The following EIF2AK4 variants were observed in gnomAD, a reference collection of about 807,000 sequenced individuals.
EIF2AK4 encodes eIF-2-alpha kinase GCN2.
EIF2AK4 carries 139 observed loss-of-function variants against 211.1 expected under a neutral mutation model. The observed-to-expected ratio is 0.66, with a 90% CI of 0.57 to 0.76. The LOEUF (loss-of-function observed/expected upper bound fraction) is 0.76, where lower values mean the gene tolerates loss of function less well. Ranked by LOEUF, EIF2AK4 falls within the 30% of genes least tolerant of loss-of-function variation. The probability of loss-of-function intolerance (pLI) is 0.00; values close to 1 mark genes in which losing one functional copy is unlikely to be tolerated. For missense variants in EIF2AK4, 1,664 were observed against 2,043.8 expected, an observed-to-expected ratio of 0.81 and a Z score of 3.58; for synonymous variants, 710 against 751.3, an observed-to-expected ratio of 0.94 and a Z score of 0.90.
intron 12 of EIF2AK4, 119 bp from the exon 13 acceptor site, chr15:39,977,959 C>G (rs2034724388): frequency 1.6e-6 from 1 of 608,304 alleles, no homozygotes; most frequent in Non-Finnish European, 2.9e-6. Flanking sequence ...ACATTGATGC[C>G]TGTGGGCTCA....
At chr15:40,032,590 T>C (rs1267341006) in intron 36 of EIF2AK4, among the ~76,000 whole-genome samples, 167 bp from the exon 37 acceptor site, 2 of 152,220 alleles carry the variant, frequency 1.3e-5, no homozygotes, top group Non-Finnish European at 2.9e-5. Flanking sequence ...TTATTAATTC[T>C]CCAGGGCTAA....
chr15:39,968,555 G>A (rs1334831101), intron 9 of EIF2AK4, among the ~76,000 whole-genome samples: 1 of 152,148 alleles, frequency 6.6e-6, no homozygotes, highest in African/African-American at 2.4e-5. Context: ...CTGTTAAATG[G>A]GAGATAAGAT....
chr15:40,022,533 AC>A lies in EIF2AK4; in HGVS notation c.4318del (p.Gln1440LysfsTer51). 1.9e-6 allele frequency: 3 copies of A among 1,614,092 alleles called. No homozygotes were observed. The highest frequency in any genetic ancestry group is 2.5e-6 in the Non-Finnish European group (3 of 1,179,960). ...YDWSQSQEEL[Q>X]EYCRHHEITY... ...GTTTGTTTCAGTCCCAAGAGGAATTACAAGAGTACTGCAGACATCATGAAAT... is the reference window on the plus strand; with the variant it reads ...GTTTGTTTCAGTCCCAAGAGGAATTAAAGAGTACTGCAGACATCATGAAAT... On this transcript the variant is annotated frameshift_variant, in exon 32 of 39. Coordinates refer to ENST00000263791, the MANE Select transcript of EIF2AK4 (RefSeq NM_001013703.4). LOFTEE classifies it high-confidence loss of function.
Position 40,009,675 on chromosome 15 carries a change from G to C in EIF2AK4, c.3638G>C (p.Cys1213Ser). ...TMLLKAILLHCGIPEDKLSQV... is the reference protein window; with the variant it reads ...TMLLKAILLHSGIPEDKLSQV... ...TTATTGAAAGCAATACTCTTACACT[G>C]TGGGATCCCAGAAGATAAACTCAGT... The change falls in exon 26 of 39, where the codon TGT becomes TCT. Residue 1213 changes from cysteine (C) to serine (S), a missense_variant. By Grantham distance (112) the Cys-to-Ser change is moderately radical. Transcript: ENST00000263791. 6.2e-7 allele frequency: 1 copy of C among 1,610,478 alleles called. No homozygotes were observed. Among genetic ancestry groups the C allele is most frequent in the Non-Finnish European group, 8.5e-7 (1 of 1,178,504 alleles).
At chr15:39,997,705 A>G (rs574483315) in intron 19 of EIF2AK4, among the ~76,000 whole-genome samples, 74 of 152,296 alleles carry the variant, frequency 4.9e-4, no homozygotes, top group Middle Eastern at 3.4e-3. Context: ...GTTTTTCCCA[A>G]TGAAATTTCC....
At chr15:39,990,098 A>G (rs965931945) in intron 15 of EIF2AK4, among the ~76,000 whole-genome samples, 175 bp from the exon 16 acceptor site, 4 of 152,334 alleles carry the variant, frequency 2.6e-5, no homozygotes, top group Admixed American at 2.6e-4. Flanking sequence ...GGAAACAGTA[A>G]AGAGGTCATA....
rs146399698 is a variant in EIF2AK4, at chr15:39,969,227, A to G, written c.1553+1348A>G. 2.4e-3 allele frequency among the ~76,000 whole-genome samples: 362 copies of G among 152,264 alleles called. 4 individuals carry two copies. The highest frequency in any genetic ancestry group is 0.018 in the East Asian group (92 of 5,190). On this transcript the variant is annotated intron_variant, in intron 9 of 38. Transcript: ENST00000263791. ...AAAAACAGTACTGGGAGGTTTAAGT[A>G]GAAGTACCTTTCCTTTCCCGTTTAG...
chr15:39,993,503 T>C (rs951494040), intron 18 of EIF2AK4, among the ~76,000 whole-genome samples: 1 of 151,916 alleles, frequency 6.6e-6, no homozygotes, highest in South Asian at 2.1e-4. Context: ...CCACACAGAT[T>C]TGGGGGCTGA....
chr15:40,002,947 G>A (rs1168953494), intron 22 of EIF2AK4, among the ~76,000 whole-genome samples, 159 bp downstream of exon 22: 1 of 152,142 alleles, frequency 6.6e-6, no homozygotes, highest in Non-Finnish European at 1.5e-5. Flanking sequence ...AAACTGATTT[G>A]AATATTACAG....
chr15:40,017,531 ATATATATATAT>A (rs2035323317), intron 29 of EIF2AK4, among the ~76,000 whole-genome samples: 1 of 39,238 alleles, frequency 2.5e-5, no homozygotes, highest in Non-Finnish European at 5.5e-5. Context: ...ATATATATAT[ATATATATATAT>A]ATATATATAT....
At chr15:39,992,392 A>G in intron 17 of EIF2AK4, 163 bp downstream of exon 17, 1 of 565,072 alleles carries the variant, frequency 1.8e-6, no homozygotes, top group Non-Finnish European at 3.0e-6. Flanking sequence ...TTTCCTTTTC[A>G]ATTTATGAAT....
At chr15:39,956,707 A>G (rs184337971) in intron 6 of EIF2AK4, among the ~76,000 whole-genome samples, 4 of 152,348 alleles carry the variant, frequency 2.6e-5, no homozygotes, top group Non-Finnish European at 5.9e-5. Flanking sequence ...TGAAGAAACC[A>G]TTTATGAGTG....
At chr15:39,948,026 AACCTGCCTCT>A (rs2034253306) in intron 3 of EIF2AK4, among the ~76,000 whole-genome samples, 2 of 152,218 alleles carry the variant, frequency 1.3e-5, no homozygotes, top group Non-Finnish European at 2.9e-5. Flanking sequence ...TTCTTAGAAT[AACCTGCCTCT>A]TAGACTGTAG....
intron 1 of EIF2AK4, among the ~76,000 whole-genome samples, chr15:39,937,963 C>G (rs775230999): frequency 6.6e-6 from 1 of 151,910 alleles, no homozygotes; most frequent in Non-Finnish European, 1.5e-5. Flanking sequence ...TTTTCCTTGC[C>G]TGGAATGCTT....
intron 19 of EIF2AK4, among the ~76,000 whole-genome samples, chr15:39,998,449 C>G (rs963187415): frequency 2.6e-5 from 4 of 151,872 alleles, no homozygotes; most frequent in Non-Finnish European, 5.9e-5. Context: ...ACTGCCTGAG[C>G]TAAAAGGGAC....
Position 39,965,783 on chromosome 15 carries a change from A to C in EIF2AK4, c.957A>C (p.Lys319Asn), listed in dbSNP as rs374490520. ...ATGAGTGGGTCCTTCAGTGGCAGAAAAAAATGGGTCCATTCCTTACCAGTC... is the reference window on the plus strand; with the variant it reads ...ATGAGTGGGTCCTTCAGTGGCAGAACAAAATGGGTCCATTCCTTACCAGTC... Reference protein sequence around the residue: ...LLYEWVLQWQKKMGPFLTSQE... With the variant: ...LLYEWVLQWQNKMGPFLTSQE... The change falls in exon 8 of 39, where the codon AAA becomes AAC. Residue 319 changes from lysine to asparagine, a missense_variant. Transcript: ENST00000263791. 6.2e-7 allele frequency: 1 copy of C among 1,614,140 alleles called. No individual in the cohort carries two copies. The highest frequency in any genetic ancestry group is 8.5e-7 in the Non-Finnish European group (1 of 1,179,972).
rs1453196589 is a variant in EIF2AK4, at chr15:40,032,182, T to C, written c.4673T>C (p.Leu1558Pro). The change falls in exon 36 of 39, where the codon CTT (leucine) becomes CCT (proline). Residue 1558 changes from leucine to proline, a missense_variant. Coordinates refer to ENST00000263791, the MANE Select transcript of EIF2AK4 (RefSeq NM_001013703.4). ...CTTACTATTTAGGTACAAACTCGAC[T>C]TCAGACCTCCCTTGCCAACTTACAT... ...RRYETQVQTR[L>P]QTSLANLHQK... 1 of 1,614,052 alleles carries C rather than the reference T, an allele frequency of 6.2e-7. No individual in the cohort carries two copies. Among genetic ancestry groups the C allele is most frequent in the Non-Finnish European group, 8.5e-7 (1 of 1,179,988 alleles).
intron 17 of EIF2AK4, 186 bp downstream of exon 17, chr15:39,992,415 T>C (rs561617596): frequency 3.7e-6 from 2 of 545,864 alleles, no homozygotes; most frequent in South Asian, 6.4e-5. Flanking sequence ...TTCTTTGAAC[T>C]TTAAGAAATT....
At chr15:40,009,525 G>A in intron 25 of EIF2AK4, 89 bp from the exon 26 acceptor site, 1 of 741,924 alleles carries the variant, frequency 1.3e-6, no homozygotes, top group Non-Finnish European at 2.2e-6. Context: ...ATTGTGTTAG[G>A]ATGACAAATT....
Sources: allele counts gnomAD v4.1 joint callset (sites outside exome capture counted in the v4.1 genomes callset), GRCh38; gene constraint gnomAD v4.1.1; transcripts MANE v1.5; gene names NCBI Gene and HGNC (gene_info 2026-07-23, HGNC 2026-07-21).